Variants in AMZ1 observed in about 807,000 individuals in gnomAD.
AMZ1 encodes the protein archaelysin family metallopeptidase 1, also known as archaemetzincin-1.
A neutral mutation model predicts 29.9 loss-of-function variants in AMZ1; 39 were observed. The observed-to-expected ratio is 1.30, with a 90% confidence interval of 1.01 to 1.70. AMZ1 has a LOEUF of 1.70. Ranked by LOEUF, AMZ1 falls within the 40% of genes most tolerant of loss-of-function variation. AMZ1 has a pLI of 0.00. For missense variants in AMZ1, 1,041 were observed against 680.6 expected, an observed-to-expected ratio of 1.53 and a Z score of -5.89; for synonymous variants, 458 against 304.0, an observed-to-expected ratio of 1.51 and a Z score of -5.27.
intron 3 of AMZ1, among the ~76,000 whole-genome samples, chr7:2,705,374 C>G (rs1788292638): frequency 6.6e-6 from 1 of 152,208 alleles, no homozygotes. Context: ...CATTAGGTCT[C>G]TGCCTTGGTT....
intron 1 of AMZ1, among the ~76,000 whole-genome samples, chr7:2,681,506 C>A: frequency 6.6e-6 from 1 of 152,156 alleles, no homozygotes; most frequent in East Asian, 1.9e-4. Context: ...AGAGATCCAT[C>A]CGCCTTGCCC....
At position 2,731,842 on chromosome 7, in the gene AMZ1, A is replaced by G. The variant is rs574070992; in HGVS notation, n.550+22026A>G. On this transcript the variant is annotated intron_variant and non_coding_transcript_variant, in intron 4 of 4. Coordinates refer to the AMZ1 transcript ENST00000489665. The surrounding 1 kb of genome is among the most constrained non-coding windows in gnomAD (Gnocchi z 6.0). ...AAGATGGCAAAAAGATAAGAAGGAA[A>G]GAGACTGACTTTTGCAACAGGTTGA... 3.6e-4 allele frequency: 244 copies of G among 682,062 alleles called. 1 individual carries two copies. In the Middle Eastern group the frequency reaches 6.7e-3, roughly 19 times the overall value. 42.3% of individuals were successfully genotyped at this position (682,062 alleles called of 1,614,324 possible).
At chr7:2,719,831 C>G (rs763125825), downstream of AMZ1, among the ~76,000 whole-genome samples, 1 of 151,976 alleles carries the variant, frequency 6.6e-6, no homozygotes, top group Non-Finnish European at 1.5e-5. Flanking sequence ...CAGGTGCCTG[C>G]CACACCATGC....
chr7:2,756,674 C>A (rs1410877558), intron 4 of AMZ1, among the ~76,000 whole-genome samples: 1 of 152,212 alleles, frequency 6.6e-6, no homozygotes, highest in Non-Finnish European at 1.5e-5. Context: ...GAAAAGATTT[C>A]TGTGCTGTCA....
intron 4 of AMZ1, among the ~76,000 whole-genome samples, chr7:2,745,145 T>C (rs992992404): frequency 6.6e-6 from 1 of 152,096 alleles, no homozygotes; most frequent in Non-Finnish European, 1.5e-5. Flanking sequence ...CAGGCCAACA[T>C]TCAAAATCAG....
Position 2,719,135 on chromosome 7 carries a change from T to A in AMZ1, c.*6257T>A, listed in dbSNP as rs1789304235. On this transcript the variant is annotated 3_prime_UTR_variant, in exon 7 of 7. Transcript: ENST00000683327. ...CCTTGTGAGGGCTCGAGGCCTTTAC[T>A]GGATGGGCAGGATGCGGGCAGCAGC... Among the ~76,000 whole-genome samples, 1 of 152,064 alleles carries A rather than the reference T, an allele frequency of 6.6e-6. No homozygotes were observed. The highest frequency in any genetic ancestry group is 1.5e-5 in the Non-Finnish European group (1 of 67,996).
intron 4 of AMZ1, among the ~76,000 whole-genome samples, chr7:2,743,983 C>T (rs150068136): frequency 2.2e-4 from 33 of 152,320 alleles, no homozygotes; most frequent in Middle Eastern, 3.4e-3. Flanking sequence ...GGGGTACCCA[C>T]CATTGCCGAG....
chr7:2,746,479 A>G (rs1583227988), intron 4 of AMZ1, among the ~76,000 whole-genome samples: 1 of 152,248 alleles, frequency 6.6e-6, no homozygotes, highest in South Asian at 2.1e-4. Flanking sequence ...ACGAGAACAA[A>G]GACACAACAT....
At chr7:2,753,049 G>A (rs960954439) in intron 4 of AMZ1, among the ~76,000 whole-genome samples, 9 of 152,106 alleles carry the variant, frequency 5.9e-5, no homozygotes, top group African/African-American at 9.6e-5. Context: ...TGGTAACCAC[G>A]AATCTGATTT....
At chr7:2,709,505 G>A in intron 5 of AMZ1, 135 bp from the exon 6 acceptor site, 7 of 1,361,778 alleles carry the variant, frequency 5.1e-6, no homozygotes, top group Non-Finnish European at 5.9e-6. Flanking sequence ...TGGGGCAGGG[G>A]GAGGGCGCCT....
chr7:2,710,627 A>G (rs1216290918), intron 6 of AMZ1, among the ~76,000 whole-genome samples: 1 of 152,186 alleles, frequency 6.6e-6, no homozygotes, highest in Non-Finnish European at 1.5e-5. Context: ...GGTGACACTG[A>G]ACTAGAGGCC....
rs533520074 is a variant in AMZ1, at chr7:2,718,778, T to G, written c.*5900T>G. ...AGAAGCGGGCAGGCCAGGGCCGAGC[T>G]GCGTCCGGCTCTCAGGGACTTCCTC... On this transcript the variant is annotated 3_prime_UTR_variant, in exon 7 of 7. Coordinates refer to ENST00000683327, the MANE Select transcript of AMZ1 (RefSeq NM_001384743.1). 2.8e-3 allele frequency among the ~76,000 whole-genome samples: 419 copies of G among 152,310 alleles called. 2 individuals carry two copies. Among genetic ancestry groups the G allele is most frequent in the Non-Finnish European group, 4.9e-3 (336 of 68,028 alleles).
intron 4 of AMZ1, among the ~76,000 whole-genome samples, chr7:2,743,772 C>T (rs986533341): frequency 6.6e-5 from 10 of 152,146 alleles, no homozygotes; most frequent in Admixed American, 6.6e-5. Context: ...CCCTTTCCTA[C>T]TCAAAGAAAG....
At chr7:2,702,214 C>T (rs1206250828) in intron 2 of AMZ1, 3 of 27,278 alleles carry the variant, frequency 1.1e-4, no homozygotes, top group African/African-American at 5.3e-4. Flanking sequence ...TCGACCTGCA[C>T]CCTTGTGTGC....
At chr7:2,721,411 CATT>C (rs1280878899), downstream of AMZ1, among the ~76,000 whole-genome samples, 1 of 152,216 alleles carries the variant, frequency 6.6e-6, no homozygotes, top group Non-Finnish European at 1.5e-5. Flanking sequence ...CTGCCACACA[CATT>C]CTTCTGTTTG....
chr7:2,749,940 T>G (rs762319093), intron 4 of AMZ1, among the ~76,000 whole-genome samples: 1 of 152,144 alleles, frequency 6.6e-6, no homozygotes, highest in Non-Finnish European at 1.5e-5. Flanking sequence ...ACACAAGTAG[T>G]TGGAATCTCA....
upstream of AMZ1, among the ~76,000 whole-genome samples, chr7:2,760,143 G>A (rs1791488887): frequency 6.6e-6 from 1 of 152,252 alleles, no homozygotes; most frequent in Non-Finnish European, 1.5e-5. Context: ...AGCCCCACGT[G>A]ATGGACGTGC....
chr7:2,734,119 C>T (rs946410216), intron 4 of AMZ1, among the ~76,000 whole-genome samples: 1 of 152,178 alleles, frequency 6.6e-6, no homozygotes, highest in Non-Finnish European at 1.5e-5. Flanking sequence ...GACCAATCAT[C>T]GATACAATCT....
chr7:2,708,957 G>A (rs1163240518), intron 4 of AMZ1, 118 bp from the exon 5 acceptor site: 2 of 1,348,110 alleles, frequency 1.5e-6, no homozygotes, highest in Non-Finnish European at 2.0e-6. Context: ...GGCCTCCCAG[G>A]ACTGGTATGT....
Sources: allele counts gnomAD v4.1 joint callset (sites outside exome capture counted in the v4.1 genomes callset), GRCh38; gene constraint gnomAD v4.1.1; non-coding constraint Gnocchi (gnomAD v3.1); transcripts MANE v1.5; gene names NCBI Gene and HGNC (gene_info 2026-07-23, HGNC 2026-07-21).